Variants in CEP128 observed in about 807,000 individuals in gnomAD.
CEP128 encodes the protein centrosomal protein 128.
In CEP128, 132 loss-of-function variants were observed where a neutral mutation model predicts 156.7. That is an observed-to-expected ratio of 0.84 (90% CI 0.73 to 0.97). The LOEUF (loss-of-function observed/expected upper bound fraction) is 0.97. Ranked by LOEUF, CEP128 falls within the 50% of genes least tolerant of loss-of-function variation. The probability of loss-of-function intolerance (pLI) is 0.00; values close to 1 mark genes in which losing one functional copy is unlikely to be tolerated. For missense variants in CEP128, 1,252 were observed against 1,281.9 expected (o/e 0.98, Z 0.36); for synonymous variants, 469 against 448.9 (o/e 1.04, Z -0.57).
intron 14 of CEP128, among the ~76,000 whole-genome samples, chr14:80,480,829 A>G (rs184678059): frequency 3.3e-5 from 5 of 152,318 alleles, no homozygotes; most frequent in African/African-American, 1.2e-4. Context: ...GGCAAAATGC[A>G]GCCAGTCTCT....
At chr14:80,952,549 G>GA (rs1300209756) in intron 2 of CEP128, among the ~76,000 whole-genome samples, 1 of 151,900 alleles carries the variant, frequency 6.6e-6, no homozygotes, top group Non-Finnish European at 1.5e-5. Flanking sequence ...TATTATAAAA[G>GA]AAAAATGGCC....
At chr14:80,557,100 C>G (rs1359933820) in intron 21 of CEP128, among the ~76,000 whole-genome samples, 1 of 152,068 alleles carries the variant, frequency 6.6e-6, no homozygotes, top group Non-Finnish European at 1.5e-5. Context: ...CCCATGGTGA[C>G]TTTTTATTTT....
intron 19 of CEP128, among the ~76,000 whole-genome samples, chr14:80,643,008 C>G (rs1365094204): frequency 6.6e-6 from 1 of 152,122 alleles, no homozygotes; most frequent in East Asian, 1.9e-4. Context: ...CCTGCCTCAG[C>G]CTCCCAAAGT....
In CEP128 at chr14:80,819,971, A is replaced by T. The variant is rs1287200840; in HGVS notation, c.1209+11172T>A. 2.0e-5 allele frequency among the ~76,000 whole-genome samples: 3 copies of T among 152,268 alleles called. No individual in the cohort carries two copies. The East Asian group carries it at 5.8e-4, about 29-fold the overall frequency. Reference sequence around the variant, plus strand: ...ACTACATATGAAATTATATAATCTAATCAGACACAAAGATGGAGACCTCAT... The same window carrying T: ...ACTACATATGAAATTATATAATCTATTCAGACACAAAGATGGAGACCTCAT... On this transcript the variant is annotated intron_variant, in intron 13 of 24. Transcript: ENST00000555265.
chr14:80,556,508 AAG>A (rs1055246586), intron 21 of CEP128, among the ~76,000 whole-genome samples: 23 of 152,182 alleles, frequency 1.5e-4, no homozygotes, highest in African/African-American at 4.1e-4. Flanking sequence ...CTATTAAAGA[AAG>A]AGAGGGAAAA....
At chr14:80,572,254 G>C (rs1340995480) in intron 20 of CEP128, among the ~76,000 whole-genome samples, 1 of 152,202 alleles carries the variant, frequency 6.6e-6, no homozygotes, top group Non-Finnish European at 1.5e-5. Flanking sequence ...TGGGTGGGGA[G>C]ATGGCCTTAG....
At chr14:80,910,095 T>C (rs1412609397) in intron 4 of CEP128, among the ~76,000 whole-genome samples, 1 of 152,150 alleles carries the variant, frequency 6.6e-6, no homozygotes, top group Non-Finnish European at 1.5e-5. Flanking sequence ...TTCCCCTATA[T>C]GAAATATTGT....
chr14:80,526,972 C>T lies in CEP128; in HGVS notation c.2969G>A (p.Ser990Asn). ...TCTTCCATCAGTTCTCTCAGATGAA[C>T]TGCAGGAATCCTGGAAAAAAAAAAA... is the stretch of plus-strand genomic sequence containing the variant. ...EDFKDFRDSC[S>N]SSERTDGRYS... Residue 990 changes from serine (S) to asparagine (N), a missense_variant, in exon 23 of 25, where the codon AGT (serine) becomes AAT (asparagine). Transcript: ENST00000555265. 1 of 1,522,504 alleles carries T rather than the reference C, an allele frequency of 6.6e-7. No homozygotes were observed. The highest frequency in any genetic ancestry group is 8.9e-7 in the Non-Finnish European group (1 of 1,122,208). 94.3% of individuals were successfully genotyped at this position (1,522,504 alleles called of 1,614,324 possible). A position where few individuals can be genotyped will look rare whatever the true frequency, so the allele number is the denominator to read the frequency against.
At position 80,907,264 on chromosome 14, in the gene CEP128, T is replaced by C. The variant is rs897865777; in HGVS notation, c.235-1183A>G. Among the ~76,000 whole-genome samples, 12 of 152,076 alleles carry C rather than the reference T, an allele frequency of 7.9e-5. No homozygotes were observed. The South Asian group carries it at 1.0e-3, about 13-fold the overall frequency. On this transcript the variant is annotated intron_variant, in intron 4 of 24. Coordinates refer to ENST00000555265, the MANE Select transcript of CEP128 (RefSeq NM_152446.5). ...AAGCTGCTTCTTTTGTCCCTCTCATTTCCGAAAGAAAAAAAAAAGAGGGGT... is the reference window on the plus strand; with the variant it reads ...AAGCTGCTTCTTTTGTCCCTCTCATCTCCGAAAGAAAAAAAAAAGAGGGGT...
At chr14:80,900,929 G>A (rs1036636074) in intron 6 of CEP128, among the ~76,000 whole-genome samples, 12 of 151,848 alleles carry the variant, frequency 7.9e-5, no homozygotes, top group Non-Finnish European at 1.2e-4. Flanking sequence ...TGGGGTGGCC[G>A]GGCGCGGTGG....
Position 80,900,016 on chromosome 14 carries a change from T to G in CEP128, c.494A>C (p.His165Pro). 1 of 1,611,344 alleles carries G rather than the reference T, an allele frequency of 6.2e-7. No individual in the cohort carries two copies. Among genetic ancestry groups the G allele is most frequent in the Non-Finnish European group, 8.5e-7 (1 of 1,178,156 alleles). ...ACTGCTGAGGTCTCGAAGAGACTGA[T>G]GAAAACCATGAAGCTAGCAAAGGCA... ...TDDMTQLHGF[H>P]QSLRDLSSEQ... Residue 165 changes from histidine to proline, a missense_variant, in exon 7 of 25, where the codon CAT becomes CCT. Physicochemically the swap from His to Pro is moderately conservative, Grantham distance 77. Coordinates refer to ENST00000555265, the MANE Select transcript of CEP128 (RefSeq NM_152446.5).
chr14:80,764,922 T>C (rs549977861), intron 16 of CEP128, among the ~76,000 whole-genome samples: 1 of 152,354 alleles, frequency 6.6e-6, no homozygotes, highest in African/African-American at 2.4e-5. Context: ...ATTGTCTGCA[T>C]GTACTCCAAG....
intron 2 of CEP128, among the ~76,000 whole-genome samples, chr14:80,953,960 G>A (rs141326775): frequency 6.6e-6 from 1 of 152,154 alleles, no homozygotes; most frequent in East Asian, 1.9e-4. Flanking sequence ...ACAATACCAT[G>A]GTAATTTTTA....
Position 80,526,854 on chromosome 14 carries a change from T to C in CEP128, c.3072+15A>G, listed in dbSNP as rs557174879. On this transcript the variant is annotated intron_variant, in intron 23 of 24. Transcript: ENST00000555265. ...ATACTACTTAAAGACTAAAAAAGTA[T>C]ATAAAGAAAATTACTTTGAAACTTT... is the stretch of plus-strand genomic sequence containing the variant. 2.3e-5 allele frequency: 33 copies of C among 1,442,352 alleles called. No homozygotes were observed. The highest frequency in any genetic ancestry group is 3.7e-4 in the Middle Eastern group (2 of 5,422). 89.3% of individuals were successfully genotyped at this position (1,442,352 alleles called of 1,614,324 possible). A position where few individuals can be genotyped will look rare whatever the true frequency, so the allele number is the denominator to read the frequency against.
chr14:80,922,180 T>G (rs1158034217), intron 2 of CEP128, among the ~76,000 whole-genome samples: 1 of 152,192 alleles, frequency 6.6e-6, no homozygotes, highest in Non-Finnish European at 1.5e-5. Context: ...AAGCTCTATA[T>G]TCAGAACTTC....
Position 80,743,592 on chromosome 14 carries a change from T to C in CEP128, c.2614-325A>G, listed in dbSNP as rs149387768. On this transcript the variant is annotated intron_variant, in intron 18 of 24. Transcript: ENST00000555265. Reference sequence around the variant, plus strand: ...TACAGGGCAGTCTAGTATAGGAATTTAAAAAACAAATACATCCCAGAATAG... The same window carrying C: ...TACAGGGCAGTCTAGTATAGGAATTCAAAAAACAAATACATCCCAGAATAG... Among the ~76,000 whole-genome samples, 590 of 152,252 alleles carry C rather than the reference T, an allele frequency of 3.9e-3. 7 individuals are homozygous for C. Among genetic ancestry groups the C allele is most frequent in the African/African-American group, 0.014 (569 of 41,562 alleles).
At chr14:80,758,675 G>A (rs1899800078) in intron 17 of CEP128, among the ~76,000 whole-genome samples, 1 of 152,124 alleles carries the variant, frequency 6.6e-6, no homozygotes, top group South Asian at 2.1e-4. Flanking sequence ...ACAGGCATTT[G>A]TCATTAAAAA....
chr14:80,913,939 A>C (rs1884398174), intron 4 of CEP128, among the ~76,000 whole-genome samples: 1 of 152,248 alleles, frequency 6.6e-6, no homozygotes, highest in African/African-American at 2.4e-5. Context: ...AAAAATTAAA[A>C]AGGGGCTTTG....
intron 2 of CEP128, among the ~76,000 whole-genome samples, chr14:80,933,589 C>T (rs1312965429): frequency 6.6e-6 from 1 of 152,132 alleles, no homozygotes; most frequent in African/African-American, 2.4e-5. Context: ...AAATTTAGCC[C>T]ATGGGATATG....
Sources: gnomAD v4.1 joint callset for allele counts (sites outside exome capture counted in the v4.1 genomes callset) on GRCh38, gnomAD v4.1.1 for gene constraint, MANE v1.5 for transcripts, NCBI Gene and HGNC (gene_info 2026-07-23, HGNC 2026-07-21) for gene names.